SH3RF2: variants seen among roughly 807,000 people sequenced by gnomAD.
SH3RF2 encodes SH3 domain containing ring finger 2.
A neutral mutation model predicts 59.0 loss-of-function variants in SH3RF2; 43 were observed. That is an observed-to-expected ratio of 0.73 (90% CI 0.57 to 0.94). The LOEUF is 0.94. Among genes scored for constraint, SH3RF2 ranks in the 40% least tolerant of loss-of-function variants. The pLI is 0.00. For synonymous variants in SH3RF2, 391 were observed against 391.5 expected, an observed-to-expected ratio of 1.00 and a Z score of 0.01; for missense variants, 930 against 940.1, an observed-to-expected ratio of 0.99 and a Z score of 0.14.
intron 5 of SH3RF2, among the ~76,000 whole-genome samples, chr5:146,035,700 C>T (rs1240789357): frequency 6.6e-6 from 1 of 152,218 alleles, no homozygotes; most frequent in Non-Finnish European, 1.5e-5. Flanking sequence ...TCACCAATAT[C>T]TCCACCATAA....
chr5:146,028,314 G>A (rs1393335021), intron 5 of SH3RF2, among the ~76,000 whole-genome samples: 1 of 152,132 alleles, frequency 6.6e-6, no homozygotes, highest in African/African-American at 2.4e-5. Flanking sequence ...GAACAAAGAG[G>A]GTAGTATAGA....
At chr5:146,022,726 A>G (rs1761372818) in intron 5 of SH3RF2, among the ~76,000 whole-genome samples, 1 of 151,938 alleles carries the variant, frequency 6.6e-6, no homozygotes, top group Non-Finnish European at 1.5e-5. Flanking sequence ...TACAAAAATT[A>G]GCCAGGTGTG....
chr5:145,980,253 G>C (rs1331668564), intron 2 of SH3RF2, among the ~76,000 whole-genome samples: 2 of 152,180 alleles, frequency 1.3e-5, no homozygotes, highest in South Asian at 2.1e-4. Context: ...CGAGGCAGTT[G>C]TAAGTTCCTC....
chr5:145,954,652 A>G (rs1276642917), intron 2 of SH3RF2, among the ~76,000 whole-genome samples: 1 of 152,122 alleles, frequency 6.6e-6, no homozygotes, highest in African/African-American at 2.4e-5. Context: ...GGATGCTATT[A>G]CCTAGGTTGT....
intron 2 of SH3RF2, among the ~76,000 whole-genome samples, chr5:145,972,632 T>A (rs576513556): frequency 6.6e-6 from 1 of 151,964 alleles, no homozygotes; most frequent in East Asian, 1.9e-4. Context: ...GACTCAAGAG[T>A]TGAGTGTCAC....
intron 2 of SH3RF2, among the ~76,000 whole-genome samples, chr5:145,996,984 G>T (rs768980234): frequency 1.3e-5 from 2 of 152,180 alleles, no homozygotes; most frequent in African/African-American, 2.4e-5. Flanking sequence ...TCGGTAATTA[G>T]TTATTAATGT....
chr5:146,005,912 TC>T (rs1250942376), intron 4 of SH3RF2, among the ~76,000 whole-genome samples: 1 of 149,664 alleles, frequency 6.7e-6, no homozygotes, highest in Non-Finnish European at 1.5e-5. Context: ...GAGAAGGTAG[TC>T]AGAGCTCCCA....
chr5:146,060,096 G>T lies in SH3RF2; in HGVS notation c.1786G>T (p.Ala596Ser), dbSNP rs566012144. 3.1e-6 allele frequency: 5 copies of T among 1,613,932 alleles called. No homozygotes were observed. The African/African-American group carries it at 4.0e-5, about 13-fold the overall frequency. The change falls in exon 9 of 10, where the codon GCG becomes TCG. Residue 596 changes from alanine to serine, a missense_variant. Physicochemically the swap from Ala to Ser is moderately conservative, Grantham distance 99. Transcript: ENST00000359120. ...SRGSEAWIHS[A>S]ASSLIMEDKE... is the part of the protein sequence containing the mutation. ...GGGCAGTGAGGCCTGGATCCACTCCGCGGCCAGCTCCCTCATTATGGAAGA... is the reference window on the plus strand; with the variant it reads ...GGGCAGTGAGGCCTGGATCCACTCCTCGGCCAGCTCCCTCATTATGGAAGA...
chr5:145,993,209 G>A (rs6894868), intron 2 of SH3RF2, among the ~76,000 whole-genome samples: 1 of 152,174 alleles, frequency 6.6e-6, no homozygotes. Context: ...GCAAGAGGTA[G>A]GTTCCCATGG....
intron 2 of SH3RF2, among the ~76,000 whole-genome samples, chr5:145,991,605 A>G (rs1759935147): frequency 1.3e-5 from 2 of 152,186 alleles, no homozygotes; most frequent in African/African-American, 4.8e-5. Flanking sequence ...CTTGTTAACA[A>G]TAGAATCTAT....
At chr5:146,046,767 C>CTT (rs56115378) in intron 5 of SH3RF2, among the ~76,000 whole-genome samples, 42 of 145,208 alleles carry the variant, frequency 2.9e-4, no homozygotes, top group African/African-American at 1.0e-3. Flanking sequence ...TTTACAGGAA[C>CTT]TTTTTTTTTT....
chr5:146,034,565 C>T (rs1354583326), intron 5 of SH3RF2, among the ~76,000 whole-genome samples: 1 of 152,156 alleles, frequency 6.6e-6, no homozygotes, highest in East Asian at 1.9e-4. Flanking sequence ...CTCACTGGGA[C>T]CCTGGTGGAC....
chr5:145,971,137 G>C (rs1402285624), intron 2 of SH3RF2, among the ~76,000 whole-genome samples: 1 of 152,194 alleles, frequency 6.6e-6, no homozygotes, highest in East Asian at 1.9e-4. Context: ...AAAGCAACCA[G>C]TGAATATTAC....
At chr5:146,039,900 G>A (rs1437642638) in intron 5 of SH3RF2, among the ~76,000 whole-genome samples, 2 of 152,214 alleles carry the variant, frequency 1.3e-5, no homozygotes, top group South Asian at 2.1e-4. Context: ...GACACAGAAC[G>A]AAATGTAAGA....
intron 7 of SH3RF2, among the ~76,000 whole-genome samples, chr5:146,052,383 A>T (rs1204712741): frequency 1.3e-5 from 2 of 151,888 alleles, no homozygotes; most frequent in Admixed American, 6.6e-5. Context: ...GAGCATCTCT[A>T]CTCACCCCTT....
chr5:146,065,147 G>A (rs936786454), downstream of SH3RF2, among the ~76,000 whole-genome samples: 17 of 152,064 alleles, frequency 1.1e-4, no homozygotes, highest in Admixed American at 1.1e-3. Flanking sequence ...ATCACGTTTG[G>A]GTCCACATCT....
chr5:146,011,902 A>C (rs1760917467), intron 4 of SH3RF2, among the ~76,000 whole-genome samples: 1 of 152,176 alleles, frequency 6.6e-6, no homozygotes, highest in Non-Finnish European at 1.5e-5. Context: ...CCCTGGCCAG[A>C]ACTTCCAACA....
intron 2 of SH3RF2, among the ~76,000 whole-genome samples, chr5:145,977,525 A>G (rs1467994489): frequency 1.3e-5 from 2 of 152,214 alleles, no homozygotes; most frequent in Non-Finnish European, 2.9e-5. Context: ...ATGGGACCAC[A>G]TTAGCCCCAT....
intron 9 of SH3RF2, among the ~76,000 whole-genome samples, chr5:146,074,120 A>C (rs1354125778): frequency 6.8e-6 from 1 of 147,674 alleles, no homozygotes; most frequent in Non-Finnish European, 1.5e-5. Context: ...GCTCACTGCA[A>C]GCTCCGCCTC....
Sources: allele counts gnomAD v4.1 joint callset (sites outside exome capture counted in the v4.1 genomes callset), GRCh38; gene constraint gnomAD v4.1.1; transcripts MANE v1.5; gene names NCBI Gene and HGNC (gene_info 2026-07-23, HGNC 2026-07-21).